The following PIP5K1B variants were observed in gnomAD, a reference collection of about 807,000 sequenced individuals.
The protein encoded by PIP5K1B is phosphatidylinositol-4-phosphate 5-kinase type 1 beta.
Under a neutral mutation model 67.0 loss-of-function variants are expected in PIP5K1B, and 42 were observed. That is an observed-to-expected ratio of 0.63 (90% CI 0.49 to 0.81). The LOEUF (loss-of-function observed/expected upper bound fraction) is 0.81. Ranked by LOEUF, PIP5K1B falls within the 30% of genes least tolerant of loss-of-function variation. The pLI, the probability that PIP5K1B is intolerant of heterozygous loss-of-function variation, is 0.00. For synonymous variants in PIP5K1B, 214 were observed against 231.4 expected, an observed-to-expected ratio of 0.92 and a Z score of 0.68; for missense variants, 459 against 646.3, an observed-to-expected ratio of 0.71 and a Z score of 3.14.
At chr9:68,768,996 T>C (rs1830561612) in intron 2 of PIP5K1B, among the ~76,000 whole-genome samples, 1 of 152,234 alleles carries the variant, frequency 6.6e-6, no homozygotes, top group African/African-American at 2.4e-5. Context: ...GTAGTCGCCC[T>C]GTTGGGAAAA....
At chr9:68,843,116 A>G (rs1244679344) in intron 4 of PIP5K1B, 1 of 152,236 alleles carries the variant, frequency 6.6e-6, no homozygotes, top group Non-Finnish European at 1.5e-5. Flanking sequence ...ATAACCAAAC[A>G]TAGAATTTTT....
At chr9:68,839,337 A>T (rs376073497) in intron 4 of PIP5K1B, among the ~76,000 whole-genome samples, 1 of 152,080 alleles carries the variant, frequency 6.6e-6, no homozygotes, top group East Asian at 1.9e-4. Flanking sequence ...TTCTGTGATC[A>T]TCTCTTGCAG....
intron 4 of PIP5K1B, among the ~76,000 whole-genome samples, chr9:68,859,636 G>C (rs17392861): frequency 0.28 from 42,350 of 152,024 alleles, 6,138 homozygotes; most frequent in Middle Eastern, 0.33. Flanking sequence ...ACCCACCACC[G>C]TGTCACTGGT....
chr9:68,724,973 G>C (rs902052511), intron 1 of PIP5K1B, among the ~76,000 whole-genome samples: 1 of 152,042 alleles, frequency 6.6e-6, no homozygotes. Context: ...CTTAAAATGT[G>C]TTTTTGGCTG....
intron 1 of PIP5K1B, among the ~76,000 whole-genome samples, chr9:68,737,383 A>C (rs1055247581): frequency 3.9e-5 from 6 of 152,220 alleles, no homozygotes; most frequent in Admixed American, 3.9e-4. Context: ...ACAGGATTAG[A>C]CTATTGCTTA....
At chr9:68,901,766 A>G (rs1264853814) in intron 8 of PIP5K1B, among the ~76,000 whole-genome samples, 1 of 152,206 alleles carries the variant, frequency 6.6e-6, no homozygotes, top group Non-Finnish European at 1.5e-5. Flanking sequence ...GAATCCTAAG[A>G]GTTCCTAAGA....
chr9:68,882,434 C>A (rs1210746000), intron 6 of PIP5K1B, among the ~76,000 whole-genome samples: 1 of 151,984 alleles, frequency 6.6e-6, no homozygotes, highest in East Asian at 1.9e-4. Context: ...TTATTTCATT[C>A]GTGTTATGTA....
chr9:68,803,021 A>G (rs1832686494), intron 2 of PIP5K1B, among the ~76,000 whole-genome samples: 1 of 152,176 alleles, frequency 6.6e-6, no homozygotes, highest in Non-Finnish European at 1.5e-5. Flanking sequence ...ATCTCAATTA[A>G]GTTTGTATAA....
intron 14 of PIP5K1B, among the ~76,000 whole-genome samples, chr9:68,985,031 C>T (rs1002959057): frequency 2.6e-5 from 4 of 152,140 alleles, no homozygotes; most frequent in African/African-American, 9.7e-5. Flanking sequence ...GGAGGGATTG[C>T]GTGTATGAGT....
At chr9:68,845,490 G>T (rs2132173548) in intron 4 of PIP5K1B, among the ~76,000 whole-genome samples, 1 of 152,260 alleles carries the variant, frequency 6.6e-6, no homozygotes, top group Non-Finnish European at 1.5e-5. Context: ...TTGCGGAAGG[G>T]CTGATCCTGG....
At chr9:68,793,189 G>T (rs537460117) in intron 2 of PIP5K1B, among the ~76,000 whole-genome samples, 1 of 103,686 alleles carries the variant, frequency 9.6e-6, no homozygotes, top group African/African-American at 2.9e-5. Flanking sequence ...AGTTAGAGGG[G>T]GGTTAGAGAG....
chr9:68,968,715 A>AT (rs1554749541), intron 14 of PIP5K1B, among the ~76,000 whole-genome samples: 3,014 of 142,194 alleles, frequency 0.021, 42 homozygotes, highest in Non-Finnish European at 0.025. Flanking sequence ...ATATATATAT[A>AT]TTTTTTTTTT....
chr9:68,991,058 C>T, intron 14 of PIP5K1B, 82 bp from the exon 15 acceptor site: 1 of 798,398 alleles, frequency 1.3e-6, no homozygotes, highest in South Asian at 1.4e-5. Context: ...AGCTGCCCAC[C>T]TCACCCTCTT....
chr9:68,780,501 A>G, intron 2 of PIP5K1B: 1 of 1,614,190 alleles, frequency 6.2e-7, no homozygotes, highest in Non-Finnish European at 8.5e-7. Context: ...CGCAATGCAG[A>G]TAAGCCACTC....
At chr9:68,812,909 T>C (rs573027942) in intron 2 of PIP5K1B, among the ~76,000 whole-genome samples, 1 of 152,362 alleles carries the variant, frequency 6.6e-6, no homozygotes, top group Admixed American at 6.5e-5. Context: ...TCTATCATTA[T>C]GGAATTTTGA....
Position 68,934,997 on chromosome 9 carries a change from CG to C in PIP5K1B, c.1312del (p.Asp438IlefsTer3). 6.2e-7 allele frequency: 1 copy of C among 1,613,580 alleles called. No individual in the cohort carries two copies. Among genetic ancestry groups the C allele is most frequent in the Non-Finnish European group, 8.5e-7 (1 of 1,179,724 alleles). On this transcript the variant is annotated frameshift_variant, in exon 13 of 16. Transcript: ENST00000265382. LOFTEE classifies it high-confidence loss of function. The stretch of plus-strand genomic sequence containing the variant: ...TAGCCAGGAATGGAAGGATGAGAAG[CG>C]GGATTTGCTGACTGAAGGACAAAGT... ...SISQEWKDEK[R>X]DLLTEGQSFS...
intron 11 of PIP5K1B, among the ~76,000 whole-genome samples, chr9:68,921,198 T>C (rs1157152762): frequency 6.6e-6 from 1 of 152,134 alleles, no homozygotes; most frequent in Non-Finnish European, 1.5e-5. Context: ...TAGGGGCATG[T>C]GCTGGTAGTC....
chr9:68,921,830 G>A (rs566734416), intron 11 of PIP5K1B, among the ~76,000 whole-genome samples: 28 of 152,062 alleles, frequency 1.8e-4, no homozygotes, highest in African/African-American at 9.7e-5. Context: ...CAGCCTGGGC[G>A]ACAGAGCGAG....
intron 2 of PIP5K1B, among the ~76,000 whole-genome samples, chr9:68,796,766 C>T (rs1161583337): frequency 1.3e-5 from 2 of 152,140 alleles, no homozygotes; most frequent in East Asian, 1.9e-4. Flanking sequence ...GAGAAAGAAG[C>T]CAGAGTTAGA....
Sources: gnomAD v4.1 joint callset for allele counts (sites outside exome capture counted in the v4.1 genomes callset) on GRCh38, gnomAD v4.1.1 for gene constraint, MANE v1.5 for transcripts, NCBI Gene and HGNC (gene_info 2026-07-23, HGNC 2026-07-21) for gene names.